TMEM165: variants seen among roughly 807,000 people sequenced by gnomAD.
TMEM165 encodes putative divalent cation/proton antiporter TMEM165.
A neutral mutation model predicts 30.0 loss-of-function variants in TMEM165; 19 were observed. The observed-to-expected ratio is 0.63, with a 90% CI of 0.44 to 0.93. The LOEUF (loss-of-function observed/expected upper bound fraction) is 0.93, where lower values mean the gene tolerates loss of function less well. TMEM165 is among the 40% of genes least tolerant of loss of function. The pLI is 0.00. For missense variants in TMEM165, 340 were observed against 417.0 expected, an observed-to-expected ratio of 0.82 and a Z score of 1.61; for synonymous variants, 168 against 162.9, an observed-to-expected ratio of 1.03 and a Z score of -0.24.
intron 3 of TMEM165, among the ~76,000 whole-genome samples, chr4:55,440,020 T>A (rs1252699464): frequency 6.6e-6 from 1 of 152,098 alleles, no homozygotes; most frequent in Non-Finnish European, 1.5e-5. Context: ...CAATAAAAAT[T>A]TTTTTTAATC....
chr4:55,435,708 T>C (rs1722825463), intron 3 of TMEM165: 3 of 1,034,502 alleles, frequency 2.9e-6, no homozygotes, highest in Non-Finnish European at 3.0e-6. Flanking sequence ...TTCTACATAA[T>C]GCATATCACT....
At chr4:55,434,744 T>G (rs1722749171) in intron 3 of TMEM165, 1 of 155,094 alleles carries the variant, frequency 6.4e-6, no homozygotes, top group Non-Finnish European at 1.4e-5. Context: ...TGGATCAGTT[T>G]GCACATGGTG....
At chr4:55,437,316 T>TAG (rs1722960598) in intron 3 of TMEM165, among the ~76,000 whole-genome samples, 1 of 152,180 alleles carries the variant, frequency 6.6e-6, no homozygotes, top group Non-Finnish European at 1.5e-5. Context: ...GTGCCCAGCC[T>TAG]AGATGAAGTG....
downstream of TMEM165, among the ~76,000 whole-genome samples, chr4:55,427,603 C>T (rs1313913891): frequency 6.6e-6 from 1 of 152,124 alleles, no homozygotes; most frequent in Non-Finnish European, 1.5e-5. Flanking sequence ...CCTCAGCCTC[C>T]CAAAGTGCTA....
At chr4:55,423,437 T>A (rs1722064474) in intron 4 of TMEM165, 1 of 151,950 alleles carries the variant, frequency 6.6e-6, no homozygotes, top group Admixed American at 6.6e-5. Context: ...CACTAGACTT[T>A]AAAAAATTTT....
rs11732723 is a variant in TMEM165 at position 55,424,391 on chromosome 4, C to T, written c.793-147C>T. The T allele has an allele frequency of 0.52, 311,515 of 594,516 alleles. 85,957 individuals are homozygous for T. Among genetic ancestry groups the T allele is most frequent in the East Asian group, 0.85 (29,650 of 34,758 alleles). The allele number at this position is 594,516 out of a possible 1,614,324, so 36.8% of individuals were successfully genotyped here. ...ATTCCTTCAAGCAGCCATTACACCT[C>T]TCATAAATTTATTATACACCTGCAT... On this transcript the variant is annotated intron_variant, in intron 4 of 5. Coordinates refer to ENST00000381334, the MANE Select transcript of TMEM165 (RefSeq NM_018475.5).
At chr4:55,435,151 C>G (rs1292178517) in intron 3 of TMEM165, 1 of 475,706 alleles carries the variant, frequency 2.1e-6, no homozygotes, top group African/African-American at 2.0e-5. Flanking sequence ...GCAATATATT[C>G]TTTTTCCATC....
intron 3 of TMEM165, among the ~76,000 whole-genome samples, chr4:55,448,589 CGCGCACGCGCGCGTGT>C (rs1378224421): frequency 8.8e-5 from 7 of 79,750 alleles, no homozygotes; most frequent in Non-Finnish European, 1.9e-4. Context: ...TATGTGCGCG[CGCGCACGCGCGCGTGT>C]GTGTGTGTGT....
chr4:55,400,179 TA>T (rs1401906903), intron 1 of TMEM165, among the ~76,000 whole-genome samples: 26 of 121,796 alleles, frequency 2.1e-4, no homozygotes, highest in Non-Finnish European at 2.9e-4. Context: ...ATAATATATA[TA>T]AAAAATAATA....
intron 1 of TMEM165, among the ~76,000 whole-genome samples, chr4:55,401,151 A>G (rs559534337): frequency 5.4e-5 from 8 of 148,974 alleles, no homozygotes; most frequent in Admixed American, 1.3e-4. Flanking sequence ...GCTAAAAGCA[A>G]GGTGACTGAA....
chr4:55,401,105 G>A (rs943750798), intron 1 of TMEM165, among the ~76,000 whole-genome samples: 1 of 148,900 alleles, frequency 6.7e-6, no homozygotes, highest in African/African-American at 2.5e-5. Flanking sequence ...TCAAGTGGAA[G>A]ATATGTTATA....
chr4:55,421,565 T>A (rs911984876), intron 4 of TMEM165, among the ~76,000 whole-genome samples: 1 of 152,142 alleles, frequency 6.6e-6, no homozygotes, highest in Non-Finnish European at 1.5e-5. Flanking sequence ...CCCAAAGTGC[T>A]GAGATTACGC....
At chr4:55,420,002 A>G (rs1174146018) in intron 4 of TMEM165, among the ~76,000 whole-genome samples, 1 of 150,270 alleles carries the variant, frequency 6.7e-6, no homozygotes, top group African/African-American at 2.4e-5. Flanking sequence ...AGGCTGAGGC[A>G]GGAGAATCAC....
intron 4 of TMEM165, among the ~76,000 whole-genome samples, chr4:55,420,334 C>G (rs1190635820): frequency 6.6e-6 from 1 of 150,934 alleles, no homozygotes; most frequent in Non-Finnish European, 1.5e-5. Flanking sequence ...GTGGCATAGA[C>G]TCTATGCCAT....
intron 3 of TMEM165, among the ~76,000 whole-genome samples, chr4:55,447,478 T>C (rs1391381605): frequency 6.6e-6 from 1 of 152,242 alleles, no homozygotes; most frequent in Non-Finnish European, 1.5e-5. Context: ...CTTAAAGGAT[T>C]TCTATCAAGT....
At chr4:55,450,351 T>C in intron 3 of TMEM165, 1 of 1,079,618 alleles carries the variant, frequency 9.3e-7, no homozygotes, top group Non-Finnish European at 1.4e-6. Flanking sequence ...CAAAAGTACC[T>C]GTATGTACAT....
At chr4:55,397,638 T>C (rs1011767058) in intron 1 of TMEM165, among the ~76,000 whole-genome samples, 1 of 151,890 alleles carries the variant, frequency 6.6e-6, no homozygotes, top group Non-Finnish European at 1.5e-5. Context: ...TTCCTTTCCT[T>C]TCCTCTCCTT....
rs17085726 is a variant in TMEM165, at chr4:55,446,552, A to G, written c.409-5687A>G. Among the ~76,000 whole-genome samples, 538 of 152,370 alleles carry G rather than the reference A, an allele frequency of 3.5e-3. 3 individuals are homozygous for G. The highest frequency in any genetic ancestry group is 0.012 in the African/African-American group (517 of 41,590). On this transcript the variant is annotated intron_variant, in intron 3 of 3. Coordinates refer to the TMEM165 transcript ENST00000608091. Reference sequence around the variant, plus strand: ...TATCTTCAATGGAAACTATCCTCAGATAAGTATAGAACATGGGCTTTTAAA... The same window carrying G: ...TATCTTCAATGGAAACTATCCTCAGGTAAGTATAGAACATGGGCTTTTAAA...
At chr4:55,409,872 C>CT (rs1721413844) in intron 1 of TMEM165, among the ~76,000 whole-genome samples, 1 of 152,238 alleles carries the variant, frequency 6.6e-6, no homozygotes, top group Admixed American at 6.5e-5. Flanking sequence ...CCTGCCATCT[C>CT]TAACTTTTTA....
Sources: gnomAD v4.1 joint callset for allele counts (sites outside exome capture counted in the v4.1 genomes callset) on GRCh38, gnomAD v4.1.1 for gene constraint, MANE v1.5 for transcripts, NCBI Gene and HGNC (gene_info 2026-07-23, HGNC 2026-07-21) for gene names.